RNF111: variants seen among roughly 807,000 people sequenced by gnomAD.
The protein encoded by RNF111 is ring finger protein 111.
RNF111 carries 17 observed loss-of-function variants against 95.1 expected under a neutral mutation model. The observed-to-expected ratio is 0.18, with a 90% CI of 0.12 to 0.27. RNF111 has a LOEUF of 0.27. Among genes scored for constraint, RNF111 ranks in the 10% least tolerant of loss-of-function variants. RNF111 has a pLI of 1.00. For synonymous variants in RNF111, 440 were observed against 414.8 expected, an observed-to-expected ratio of 1.06 and a Z score of -0.74; for missense variants, 1,189 against 1,210.4, an observed-to-expected ratio of 0.98 and a Z score of 0.26.
chr15:59,070,246 T>C (rs1409274271), intron 6 of RNF111, among the ~76,000 whole-genome samples: 2 of 152,156 alleles, frequency 1.3e-5, no homozygotes, highest in African/African-American at 4.8e-5. Context: ...ATACTCATCT[T>C]GCTTACCCTT....
rs1036528210 is a variant in RNF111, at chr15:59,049,193, G to T, written c.881-3112G>T. Among the ~76,000 whole-genome samples the T allele has an allele frequency of 7.2e-5, 11 of 151,910 alleles. No homozygotes were observed. In the East Asian group the frequency reaches 1.9e-3, roughly 27 times the overall value. ...CATTATACAACTCCTCTTTCTCCTC[G>T]CTCTGACCCTGGTTACCACCACTCT... is the stretch of plus-strand genomic sequence containing the variant. On this transcript the variant is annotated intron_variant, in intron 2 of 13. Transcript: ENST00000348370.
chr15:59,002,487 A>T (rs2039365237), intron 1 of RNF111, among the ~76,000 whole-genome samples: 1 of 152,126 alleles, frequency 6.6e-6, no homozygotes, highest in Non-Finnish European at 1.5e-5. Context: ...CATATGTAAT[A>T]ATCTTATGTA....
In RNF111 at chr15:59,055,625, G is replaced by C; in HGVS notation, c.1008-57G>C. On this transcript the variant is annotated intron_variant, in intron 3 of 13. Transcript: ENST00000348370. ...TAGTAAGAAAGGCTTATGGGTTTTT[G>C]TGGTGACTAAAAATTCTTTATTTAT... is the stretch of plus-strand genomic sequence containing the variant. 2.3e-6 allele frequency: 3 copies of C among 1,310,708 alleles called. No individual in the cohort carries two copies. In the South Asian group the frequency reaches 5.0e-5, roughly 22 times the overall value. The allele number at this position is 1,310,708 out of a possible 1,614,324, so 81.2% of individuals were successfully genotyped here. A position where few individuals can be genotyped will look rare whatever the true frequency, so the allele number is the denominator to read the frequency against.
At position 59,027,851 on chromosome 15, in the gene RNF111, T is replaced by C. The variant is rs113111519; in HGVS notation, c.-19-2953T>C. ...CCTGGCCCACCTTTTTTTTTTTTTTTCCCCACTCTTGTTGTCCAAGCTGGA... is the reference window on the plus strand; with the variant it reads ...CCTGGCCCACCTTTTTTTTTTTTTTCCCCCACTCTTGTTGTCCAAGCTGGA... On this transcript the variant is annotated intron_variant, in intron 1 of 13. Coordinates refer to ENST00000348370, the MANE Select transcript of RNF111 (RefSeq NM_017610.8). 1.5e-4 allele frequency among the ~76,000 whole-genome samples: 22 copies of C among 148,594 alleles called. No homozygotes were observed. The East Asian group carries it at 2.0e-3, about 13-fold the overall frequency.
At chr15:59,086,270 C>T (rs533243574) in intron 10 of RNF111, among the ~76,000 whole-genome samples, 1 of 152,212 alleles carries the variant, frequency 6.6e-6, no homozygotes, top group East Asian at 1.9e-4. Flanking sequence ...CAGGCACGTG[C>T]CACCATGCCT....
rs1360854696 is a variant in RNF111 at position 59,084,112 on chromosome 15, G to T, written c.2298-17G>T. 6.4e-7 allele frequency: 1 copy of T among 1,565,438 alleles called. No individual in the cohort carries two copies. The highest frequency in any genetic ancestry group is 8.6e-7 in the Non-Finnish European group (1 of 1,158,368). The stretch of plus-strand genomic sequence containing the variant: ...TTCAATTATTTCCAGTGGTCTTTTT[G>T]TGTTCTGTGTTTCCAGGCGGGCACA... On this transcript the variant is annotated splice_polypyrimidine_tract_variant and intron_variant, in intron 8 of 13. Transcript: ENST00000348370.
intron 2 of RNF111, among the ~76,000 whole-genome samples, chr15:59,047,134 T>C (rs544057808): frequency 9.9e-5 from 15 of 152,236 alleles, no homozygotes; most frequent in Middle Eastern, 6.8e-3. Flanking sequence ...GGAATTCTTA[T>C]AATTCAACAA....
chr15:59,058,649 C>T (rs1466076495), intron 5 of RNF111, 99 bp downstream of exon 5: 49 of 1,043,962 alleles, frequency 4.7e-5, no homozygotes, highest in East Asian at 1.4e-4. Flanking sequence ...TGTTAATAAG[C>T]GGGTATTCTT....
intron 2 of RNF111, 60 bp downstream of exon 2, chr15:59,031,762 TTTTG>T (rs1487660739): frequency 6.8e-7 from 1 of 1,475,640 alleles, no homozygotes; most frequent in Non-Finnish European, 9.2e-7. Flanking sequence ...GTGCTTAATT[TTTTG>T]TTTGTGTCTT....
In RNF111 at chr15:59,028,425, A is replaced by T. The variant is rs139093709; in HGVS notation, c.-19-2379A>T. Reference sequence around the variant, plus strand: ...ACATGCCTATGATAAAGTTTAATTTATAAATTAGGCAGAATAAGAGACTAA... The same window carrying T: ...ACATGCCTATGATAAAGTTTAATTTTTAAATTAGGCAGAATAAGAGACTAA... On this transcript the variant is annotated intron_variant, in intron 1 of 13. Coordinates refer to ENST00000348370, the MANE Select transcript of RNF111 (RefSeq NM_017610.8). Among the ~76,000 whole-genome samples, 24 of 152,202 alleles carry T rather than the reference A, an allele frequency of 1.6e-4. No individual in the cohort carries two copies. In the East Asian group the frequency reaches 3.9e-3, roughly 24 times the overall value.
At position 59,031,454 on chromosome 15, in the gene RNF111, C is replaced by T. The variant is rs1457455234; in HGVS notation, c.632C>T (p.Pro211Leu). Residue 211 changes from proline to leucine, a missense_variant, in exon 2 of 14, where the codon CCA (proline) becomes CTA (leucine). Pro to Leu is a moderately conservative substitution (Grantham distance 98). Coordinates refer to ENST00000348370, the MANE Select transcript of RNF111 (RefSeq NM_017610.8). Reference sequence around the variant, plus strand: ...CATGGCAGTTCGTTACGGAGACTTCCATGCAGAAAGAGATTTGTAAAAAAT... The same window carrying T: ...CATGGCAGTTCGTTACGGAGACTTCTATGCAGAAAGAGATTTGTAAAAAAT... ...CLHGSSLRRL[P>L]CRKRFVKNNS... The T allele has an allele frequency of 6.2e-7, 1 of 1,614,016 alleles. No individual in the cohort carries two copies. Among genetic ancestry groups the T allele is most frequent in the East Asian group, 2.2e-5 (1 of 44,884 alleles).
chr15:59,063,383 A>C (rs2042522100), intron 5 of RNF111, among the ~76,000 whole-genome samples: 1 of 152,202 alleles, frequency 6.6e-6, no homozygotes, highest in South Asian at 2.1e-4. Flanking sequence ...TGAGTAATTC[A>C]TGCCTGCCTC....
chr15:59,093,009 A>C (rs578252161), intron 13 of RNF111, among the ~76,000 whole-genome samples: 3 of 152,224 alleles, frequency 2.0e-5, no homozygotes, highest in Non-Finnish European at 4.4e-5. Context: ...CTCTGAAAAA[A>C]AAGAGTAAAA....
chr15:59,071,009 A>G (rs1231279695), intron 6 of RNF111, among the ~76,000 whole-genome samples: 3 of 152,192 alleles, frequency 2.0e-5, no homozygotes, highest in Non-Finnish European at 4.4e-5. Flanking sequence ...CAAGAATACG[A>G]AGAAGTGGCC....
At chr15:59,001,677 C>T (rs114020934) in intron 1 of RNF111, among the ~76,000 whole-genome samples, 1 of 152,146 alleles carries the variant, frequency 6.6e-6, no homozygotes, top group East Asian at 1.9e-4. Context: ...ATACTTAATA[C>T]TTTTATTAAG....
chr15:59,019,057 G>T (rs1190500675), intron 1 of RNF111, among the ~76,000 whole-genome samples: 3 of 151,330 alleles, frequency 2.0e-5, no homozygotes, highest in Admixed American at 2.0e-4. Flanking sequence ...CCGTGTAGGT[G>T]AGACTTCAGG....
intron 1 of RNF111, among the ~76,000 whole-genome samples, chr15:59,007,016 G>C (rs2039572049): frequency 1.3e-5 from 2 of 152,156 alleles, no homozygotes. Flanking sequence ...TTGAACTCCT[G>C]ACCTTGTGAT....
chr15:58,993,875 T>C (rs1470649672), intron 1 of RNF111, among the ~76,000 whole-genome samples: 5 of 152,108 alleles, frequency 3.3e-5, no homozygotes, highest in African/African-American at 1.2e-4. Context: ...ATATTTTTCC[T>C]TTTCTACCAA....
chr15:59,016,939 T>G (rs7173135), intron 1 of RNF111, among the ~76,000 whole-genome samples: 62,806 of 151,468 alleles, frequency 0.41, 13,368 homozygotes, highest in African/African-American at 0.51. Flanking sequence ...TCTAGGTTGC[T>G]TGCTCCTTAC....
Sources: gnomAD v4.1 joint callset for allele counts (sites outside exome capture counted in the v4.1 genomes callset) on GRCh38, gnomAD v4.1.1 for gene constraint, MANE v1.5 for transcripts, NCBI Gene and HGNC (gene_info 2026-07-23, HGNC 2026-07-21) for gene names.